The following ASPM variants were observed in gnomAD, a reference collection of about 807,000 sequenced individuals.
The protein encoded by ASPM is assembly factor for spindle microtubules.
In ASPM, 256 loss-of-function variants were observed where a neutral mutation model predicts 366.4. The ratio of observed to expected loss-of-function variants is 0.70; its 90% CI spans 0.63 to 0.77. The LOEUF (loss-of-function observed/expected upper bound fraction) is 0.77, where lower values mean the gene tolerates loss of function less well. ASPM is among the 30% of genes least tolerant of loss of function. The probability of loss-of-function intolerance (pLI) is 0.00; values close to 1 mark genes in which losing one functional copy is unlikely to be tolerated. For missense variants in ASPM, 4,146 were observed against 4,090.4 expected (o/e 1.01, Z -0.37); for synonymous variants, 1,414 against 1,342.9 (o/e 1.05, Z -1.16).
At chr1:197,088,804 G>C (rs1205337525) in intron 25 of ASPM, among the ~76,000 whole-genome samples, 4 of 151,920 alleles carry the variant, frequency 2.6e-5, no homozygotes, top group Non-Finnish European at 4.4e-5. Flanking sequence ...ATTAATCATA[G>C]GTAAGATAAT....
Position 197,090,994 on chromosome 1 carries a change from A to G in ASPM, c.9492T>C (p.Tyr3164=), listed in dbSNP as rs143931757. The G allele has an allele frequency of 1.3e-3, 2,016 of 1,612,366 alleles. 29 individuals are homozygous for G. The South Asian group carries it at 0.013, about 10-fold the overall frequency. ...RLQEKRFIQK[Y]HSIKKIEHEG... ...CATGCTCAATCTTTTTGATGCTATGATATTTCTGAATAAATCTCTTTTCTT... is the reference window on the plus strand; with the variant it reads ...CATGCTCAATCTTTTTGATGCTATGGTATTTCTGAATAAATCTCTTTTCTT... Residue 3164 remains tyrosine, a synonymous_variant, in exon 23 of 28, where the codon TAT becomes TAC. Transcript: ENST00000367409.
rs1233239660 is a variant in ASPM at position 197,084,318 on chromosome 1, C to T, written c.*6G>A. The T allele has an allele frequency of 6.3e-7, 1 of 1,589,710 alleles. No homozygotes were observed. Among genetic ancestry groups the T allele is most frequent in the Non-Finnish European group, 8.6e-7 (1 of 1,159,028 alleles). On this transcript the variant is annotated 3_prime_UTR_variant, in exon 28 of 28. Coordinates refer to ENST00000367409, the MANE Select transcript of ASPM (RefSeq NM_018136.5). Reference sequence around the variant, plus strand: ...ACACTATACATACTGAAAATGTTTACATTTACTAATAAGGAATGCCAAGCG... The same window carrying T: ...ACACTATACATACTGAAAATGTTTATATTTACTAATAAGGAATGCCAAGCG...
At chr1:197,118,354 G>C (rs944318245) in intron 16 of ASPM, among the ~76,000 whole-genome samples, 2 of 151,966 alleles carry the variant, frequency 1.3e-5, no homozygotes, top group African/African-American at 4.8e-5. Context: ...GGGGAGGATT[G>C]TATGAAAAAA....
intron 3 of ASPM, 137 bp from the exon 4 acceptor site, chr1:197,140,008 G>A (rs187518707): frequency 8.4e-4 from 526 of 629,070 alleles, no homozygotes; most frequent in Non-Finnish European, 1.3e-3. Flanking sequence ...TGTACTCCAC[G>A]CACTAATGCT....
At chr1:197,117,698 T>C (rs1252936994) in intron 17 of ASPM, 91 bp downstream of exon 17, 15 of 1,136,364 alleles carry the variant, frequency 1.3e-5, no homozygotes, top group Middle Eastern at 3.0e-4. Context: ...TCCTAAAATA[T>C]AATCATTGAA....
intron 17 of ASPM, among the ~76,000 whole-genome samples, chr1:197,108,971 CAAAAAAAAAAAA>C (rs564818123): frequency 5.7e-5 from 4 of 69,744 alleles, no homozygotes; most frequent in African/African-American, 2.0e-4. Flanking sequence ...ACCCTGTCTC[CAAAAAAAAAAAA>C]AAAAAAAAAA....
intron 17 of ASPM, among the ~76,000 whole-genome samples, chr1:197,113,598 TAAA>T (rs1657653961): frequency 6.6e-6 from 1 of 151,926 alleles, no homozygotes; most frequent in Non-Finnish European, 1.5e-5. Context: ...GGCCTTAAGA[TAAA>T]GAAGATAAAG....
intron 18 of ASPM, 49 bp downstream of exon 18, chr1:197,100,382 G>T: frequency 1.6e-6 from 2 of 1,232,344 alleles, no homozygotes; most frequent in African/African-American, 1.5e-5. Flanking sequence ...ACAAATATTG[G>T]TCAAAAGAAA....
intron 7 of ASPM, among the ~76,000 whole-genome samples, chr1:197,130,963 A>C (rs999158275): frequency 1.3e-5 from 2 of 152,178 alleles, no homozygotes; most frequent in Non-Finnish European, 2.9e-5. Flanking sequence ...TCTTGATTTT[A>C]TTTTTGCCAC....
rs1239458355 is a variant in ASPM at position 197,146,416 on chromosome 1, G to T, written c.22C>A (p.Arg8=). The stretch of plus-strand genomic sequence containing the variant: ...GTCGGGCTCACTTCCCAGCAGCCTC[G>T]CCCCACTCGCCGGTTCGCCATGGCA... MANRRVG[R]GCWEVSPTER... Residue 8 remains arginine (R), a synonymous_variant, in exon 1 of 28, where the codon CGA becomes AGA. Transcript: ENST00000367409. 1 of 1,608,668 alleles carries T rather than the reference G, an allele frequency of 6.2e-7. No homozygotes were observed. Among genetic ancestry groups the T allele is most frequent in the South Asian group, 1.1e-5 (1 of 90,976 alleles).
chr1:197,087,032 A>C (rs879855453), intron 26 of ASPM, 60 bp from the exon 27 acceptor site: 109 of 1,426,766 alleles, frequency 7.6e-5, no homozygotes, highest in Non-Finnish European at 9.2e-5. Flanking sequence ...TATCTCTTTT[A>C]GACTAGCAAA....
chr1:197,097,368 G>C (rs1324197160), intron 18 of ASPM, among the ~76,000 whole-genome samples: 1 of 151,684 alleles, frequency 6.6e-6, no homozygotes, highest in Non-Finnish European at 1.5e-5. Flanking sequence ...TTAAAAGGTA[G>C]CTTGACTCTT....
chr1:197,133,363 T>C lies in ASPM; in HGVS notation c.2406A>G (p.Leu802=), dbSNP rs530175059. Residue 802 remains leucine (L), a synonymous_variant, in exon 6 of 28, where the codon CTA becomes CTG. Coordinates refer to ENST00000367409, the MANE Select transcript of ASPM (RefSeq NM_018136.5). ...RRLIVRKDRH[L]WKDVGERQKV... is the part of the protein sequence containing the mutation. ...CAGTCTTCTTACCCACATCTTTCCA[T>C]AGGTGTCTATCTTTTCGAACAATTA... 6.2e-6 allele frequency: 10 copies of C among 1,613,686 alleles called. No homozygotes were observed. The highest frequency in any genetic ancestry group is 2.2e-5 in the South Asian group (2 of 90,972).
chr1:197,142,380 G>A lies in ASPM; in HGVS notation c.1872C>T (p.Ile624=). 6.2e-7 allele frequency: 1 copy of A among 1,613,890 alleles called. No homozygotes were observed. Among genetic ancestry groups the A allele is most frequent in the Non-Finnish European group, 8.5e-7 (1 of 1,179,818 alleles). Residue 624 remains isoleucine (I), a synonymous_variant, in exon 3 of 28, where the codon ATC becomes ATT. Transcript: ENST00000367409. ...VKKTKNVTTP[I]SKRISNREKL... ...TCTCTCTGTTGCTAATACGTTTTGA[G>A]ATGGGTGTTGTCACATTTTTTGTTT...
chr1:197,118,715 C>A (rs1297333936), intron 16 of ASPM, among the ~76,000 whole-genome samples: 1 of 152,080 alleles, frequency 6.6e-6, no homozygotes, highest in Non-Finnish European at 1.5e-5. Flanking sequence ...AACAAATGAG[C>A]AAATACTACT....
At chr1:197,137,824 G>A (rs1451535126) in intron 4 of ASPM, among the ~76,000 whole-genome samples, 4 of 152,098 alleles carry the variant, frequency 2.6e-5, no homozygotes, top group Non-Finnish European at 1.5e-5. Flanking sequence ...CCCCAAATCT[G>A]TAAGACATAA....
chr1:197,133,517 A>G lies in ASPM; in HGVS notation c.2252T>C (p.Met751Thr), dbSNP rs761764169. ...SVPRAPTKEE[M>T]SLRAYTARCR... ...CCGAGCAGTATAAGCTCTGAGAGAC[A>G]TTTCCTCTTTTGTAGGTGCTCTAGG... Residue 751 changes from methionine to threonine, a missense_variant, in exon 6 of 28, where the codon ATG becomes ACG. Transcript: ENST00000367409. 3.1e-6 allele frequency: 5 copies of G among 1,614,104 alleles called. No individual in the cohort carries two copies. The South Asian group carries it at 4.4e-5, about 14-fold the overall frequency.
At chr1:197,092,918 G>T in intron 21 of ASPM, 134 bp downstream of exon 21, 1 of 799,914 alleles carries the variant, frequency 1.3e-6, no homozygotes, top group Non-Finnish European at 2.0e-6. Context: ...TACCTTTCTA[G>T]CAGCTGAATT....
intron 17 of ASPM, 82 bp from the exon 18 acceptor site, chr1:197,105,267 A>G (rs1657376735): frequency 9.4e-7 from 1 of 1,063,796 alleles, no homozygotes; most frequent in Non-Finnish European, 1.4e-6. Flanking sequence ...AATTTTTCTA[A>G]CATTCTGCTT....
Sources: allele counts gnomAD v4.1 joint callset (sites outside exome capture counted in the v4.1 genomes callset), GRCh38; gene constraint gnomAD v4.1.1; transcripts MANE v1.5; gene names NCBI Gene and HGNC (gene_info 2026-07-23, HGNC 2026-07-21).